RYR2: variants seen among roughly 807,000 people sequenced by gnomAD.
RYR2 encodes the protein cardiac muscle ryanodine receptor-calcium release channel.
In RYR2, 227 loss-of-function variants were observed where a neutral mutation model predicts 601.1. That is an observed-to-expected ratio of 0.38 (90% CI 0.34 to 0.42). The LOEUF is 0.42. RYR2 is among the 10% of genes least tolerant of loss of function. RYR2 has a pLI of 1.00. For missense variants in RYR2, 4,646 were observed against 6,156.5 expected, an observed-to-expected ratio of 0.75 and a Z score of 8.21; for synonymous variants, 2,223 against 2,175.1, an observed-to-expected ratio of 1.02 and a Z score of -0.61.
At chr1:237,692,538 C>CCGTCCT (rs1687038291) in intron 63 of RYR2, among the ~76,000 whole-genome samples, 1 of 152,178 alleles carries the variant, frequency 6.6e-6, no homozygotes, top group Non-Finnish European at 1.5e-5. Context: ...ATGGGCCACT[C>CCGTCCT]CGTCCTCGTG....
chr1:237,773,628 A>C lies in RYR2; in HGVS notation c.11755A>C (p.Thr3919Pro). 6.2e-7 allele frequency: 1 copy of C among 1,612,124 alleles called. No homozygotes were observed. The highest frequency in any genetic ancestry group is 8.5e-7 in the Non-Finnish European group (1 of 1,178,780). ...AIQVAKQVFN[T>P]LTEYIQGPCT... ...CCAAGTGGCAAAACAAGTCTTTAAC[A>C]CTCTTACAGAGTATATTCAGGTAAA... is the stretch of plus-strand genomic sequence containing the variant. Residue 3919 changes from threonine (T) to proline (P), a missense_variant, in exon 87 of 105, where the codon ACT (threonine) becomes CCT (proline). Physicochemically the swap from Thr to Pro is conservative, Grantham distance 38. Coordinates refer to ENST00000366574, the MANE Select transcript of RYR2 (RefSeq NM_001035.3).
At chr1:237,588,832 CAA>C (rs66518954) in intron 29 of RYR2, among the ~76,000 whole-genome samples, 45,744 of 146,822 alleles carry the variant, frequency 0.31, 7,743 homozygotes, top group East Asian at 0.61. Flanking sequence ...GACTCCGTCT[CAA>C]AAAAAAAAAA....
At chr1:237,237,589 A>C (rs2149216579) in intron 1 of RYR2, among the ~76,000 whole-genome samples, 1 of 152,270 alleles carries the variant, frequency 6.6e-6, no homozygotes, top group South Asian at 2.1e-4. Context: ...TTCAGACCTG[A>C]CTCTAGTATA....
chr1:237,669,517 C>G (rs1416534627), intron 58 of RYR2, among the ~76,000 whole-genome samples: 3 of 150,666 alleles, frequency 2.0e-5, no homozygotes, highest in South Asian at 2.1e-4. Flanking sequence ...TGACCCCCCC[C>G]ACCTCCCTCC....
At chr1:237,751,048 G>A (rs1179965820) in intron 80 of RYR2, among the ~76,000 whole-genome samples, 2 of 152,148 alleles carry the variant, frequency 1.3e-5, no homozygotes, top group Non-Finnish European at 2.9e-5. Context: ...GTAATGAGCT[G>A]CTGTGATCCA....
At chr1:237,419,331 C>T (rs1705327629) in intron 11 of RYR2, among the ~76,000 whole-genome samples, 1 of 151,626 alleles carries the variant, frequency 6.6e-6, no homozygotes, top group Admixed American at 6.6e-5. Flanking sequence ...TTCTGAAAAC[C>T]TGATAGGACT....
At chr1:237,758,577 G>A (rs1172737791) in intron 82 of RYR2, among the ~76,000 whole-genome samples, 12 of 152,130 alleles carry the variant, frequency 7.9e-5, no homozygotes, top group Admixed American at 4.6e-4. Flanking sequence ...ATATGCATAT[G>A]TGCATATACT....
At chr1:237,372,295 G>A (rs1203253151) in intron 6 of RYR2, among the ~76,000 whole-genome samples, 1 of 152,164 alleles carries the variant, frequency 6.6e-6, no homozygotes, top group Non-Finnish European at 1.5e-5. Flanking sequence ...ATGTTAGCAA[G>A]TGCTGGAAAA....
intron 2 of RYR2, among the ~76,000 whole-genome samples, chr1:237,312,087 A>G (rs1047929019): frequency 3.9e-5 from 6 of 152,214 alleles, no homozygotes; most frequent in African/African-American, 1.2e-4. Context: ...GAGGCTCTGA[A>G]GGAAACATAG....
At chr1:237,378,561 T>G (rs1572050372) in intron 8 of RYR2, among the ~76,000 whole-genome samples, 1 of 152,328 alleles carries the variant, frequency 6.6e-6, no homozygotes, top group East Asian at 1.9e-4. Context: ...GTGTGATGAT[T>G]GAAACAAAAA....
intron 10 of RYR2, among the ~76,000 whole-genome samples, chr1:237,396,559 C>G (rs1702876579): frequency 6.6e-6 from 1 of 152,178 alleles, no homozygotes; most frequent in Non-Finnish European, 1.5e-5. Context: ...CCAGCAGTCC[C>G]TGTGTTTCTT....
intron 1 of RYR2, among the ~76,000 whole-genome samples, chr1:237,239,135 A>T (rs925143171): frequency 7.9e-5 from 12 of 152,288 alleles, no homozygotes; most frequent in African/African-American, 2.9e-4. Context: ...ATATATGTGT[A>T]TATATTTGCT....
At chr1:237,287,474 C>T (rs1691691602) in intron 2 of RYR2, among the ~76,000 whole-genome samples, 1 of 152,140 alleles carries the variant, frequency 6.6e-6, no homozygotes, top group Non-Finnish European at 1.5e-5. Flanking sequence ...TTAACATAAT[C>T]CCAGACTTCT....
intron 98 of RYR2, among the ~76,000 whole-genome samples, chr1:237,803,958 G>T (rs943985333): frequency 7.9e-5 from 12 of 152,072 alleles, no homozygotes; most frequent in African/African-American, 2.7e-4. Flanking sequence ...AATGATTTTA[G>T]ACAATAGCTT....
intron 1 of RYR2, among the ~76,000 whole-genome samples, chr1:237,228,500 A>G (rs78610787): frequency 0.019 from 2,913 of 152,292 alleles, 126 homozygotes; most frequent in East Asian, 0.16. Context: ...TCTTGTTTCT[A>G]TCAATCAGCC....
chr1:237,650,970 C>G (rs1295938261), intron 50 of RYR2, among the ~76,000 whole-genome samples: 1 of 152,228 alleles, frequency 6.6e-6, no homozygotes, highest in Non-Finnish European at 1.5e-5. Flanking sequence ...TGTACATTTT[C>G]TCTCCCTTCC....
chr1:237,721,501 G>A (rs1003102788), intron 73 of RYR2, among the ~76,000 whole-genome samples: 1 of 152,000 alleles, frequency 6.6e-6, no homozygotes, highest in Non-Finnish European at 1.5e-5. Flanking sequence ...AAGACAAGGG[G>A]ATTGCTTTGT....
intron 22 of RYR2, 64 bp downstream of exon 22, chr1:237,503,569 A>G: frequency 7.2e-6 from 11 of 1,525,770 alleles, no homozygotes; most frequent in Non-Finnish European, 9.9e-6. Flanking sequence ...CAGTGGCTTT[A>G]CACTTGGACC....
intron 24 of RYR2, among the ~76,000 whole-genome samples, chr1:237,519,564 G>A (rs1420186461): frequency 6.6e-6 from 1 of 151,962 alleles, no homozygotes; most frequent in Non-Finnish European, 1.5e-5. Context: ...GCTCTTGTTG[G>A]CTTTGTGAAA....
Sources: gnomAD v4.1 joint callset for allele counts (sites outside exome capture counted in the v4.1 genomes callset) on GRCh38, gnomAD v4.1.1 for gene constraint, MANE v1.5 for transcripts, NCBI Gene and HGNC (gene_info 2026-07-23, HGNC 2026-07-21) for gene names.